The following ZNF558 variants were observed in gnomAD, a reference collection of about 807,000 sequenced individuals.
ZNF558 encodes zinc finger protein 558.
In ZNF558, 23 loss-of-function variants were observed where a neutral mutation model predicts 37.6. The ratio of observed to expected loss-of-function variants is 0.61; its 90% CI spans 0.44 to 0.87. The LOEUF (loss-of-function observed/expected upper bound fraction) is 0.87. ZNF558 is among the 40% of genes least tolerant of loss of function. The pLI, the probability that ZNF558 is intolerant of heterozygous loss-of-function variation, is 0.00. For synonymous variants in ZNF558, 189 were observed against 174.4 expected (o/e 1.08, Z -0.66); for missense variants, 429 against 483.7 (o/e 0.89, Z 1.06).
At chr19:8,814,788 C>T (rs1169048999) in intron 7 of ZNF558, among the ~76,000 whole-genome samples, 3 of 152,230 alleles carry the variant, frequency 2.0e-5, no homozygotes, top group African/African-American at 7.2e-5. Flanking sequence ...ATGACCATTA[C>T]GCTATCAGAA....
At position 8,811,873 on chromosome 19, in the gene ZNF558, T is replaced by C. The variant is rs2043801147; in HGVS notation, c.617A>G (p.Lys206Arg). Residue 206 changes from lysine to arginine, a missense_variant, in exon 10 of 10, where the codon AAA becomes AGA. Transcript: ENST00000601372. ...CCCACAGTGATTGCATTCATAGGGT[T>C]TCTCCCCATTATGGATTCTCTTATG... is the stretch of plus-strand genomic sequence containing the variant. Reference protein sequence around the residue: ...TIHKRIHNGEKPYECNHCGKA... With the variant: ...TIHKRIHNGERPYECNHCGKA... 6.2e-7 allele frequency: 1 copy of C among 1,614,142 alleles called. No individual in the cohort carries two copies. Among genetic ancestry groups the C allele is most frequent in the African/African-American group, 1.3e-5 (1 of 75,050 alleles).
At chr19:8,826,893 G>T (rs2044244223) in intron 2 of ZNF558, among the ~76,000 whole-genome samples, 8 of 152,142 alleles carry the variant, frequency 5.3e-5, no homozygotes, top group Admixed American at 5.2e-4. Flanking sequence ...GGCAACTGCT[G>T]CAGAACTTCC....
Position 8,812,438 on chromosome 19 carries a change from C to A in ZNF558, c.426+123G>T. 6.7e-6 allele frequency: 4 copies of A among 597,302 alleles called. No homozygotes were observed. In the South Asian group the frequency reaches 1.3e-4, roughly 20 times the overall value. 37.0% of individuals were successfully genotyped at this position (597,302 alleles called of 1,614,324 possible). A position where few individuals can be genotyped will look rare whatever the true frequency, so the allele number is the denominator to read the frequency against. On this transcript the variant is annotated intron_variant, in intron 9 of 9. Coordinates refer to ENST00000601372, the MANE Select transcript of ZNF558 (RefSeq NM_144693.3). ...AATTTTCACAGTGTCTCTCCAGGAA[C>A]ACAGCATTCTCAATTATAAATGACA...
At chr19:8,817,047 T>G (rs1333316293) in intron 7 of ZNF558, among the ~76,000 whole-genome samples, 2 of 151,740 alleles carry the variant, frequency 1.3e-5, no homozygotes, top group Non-Finnish European at 2.9e-5. Context: ...GAGAAGGGAA[T>G]CAAAATGGTC....
chr19:8,832,964 C>G (rs2145331728), upstream of ZNF558: 1 of 140,060 alleles, frequency 7.1e-6, no homozygotes, highest in Non-Finnish European at 1.5e-5. Context: ...AGGGGCGGAG[C>G]TATGGGGTGG....
intron 7 of ZNF558, among the ~76,000 whole-genome samples, chr19:8,817,135 A>G (rs2043958844): frequency 6.6e-6 from 1 of 152,232 alleles, no homozygotes; most frequent in South Asian, 2.1e-4. Flanking sequence ...AAAAAAGTAA[A>G]TAGTTATAGA....
upstream of ZNF558, among the ~76,000 whole-genome samples, chr19:8,836,471 CT>C (rs747980726): frequency 1.7e-3 from 248 of 149,988 alleles, no homozygotes; most frequent in East Asian, 4.5e-3. Flanking sequence ...TCCTCCCCCC[CT>C]CTCCTCCTCC....
rs945772403 is a variant in ZNF558 at position 8,822,941 on chromosome 19, A to T, written c.-65-217T>A. ...CAACACAACGACCAGTACCTCCCTG[A>T]CCCACCCGCTTTGAGAACCTCGGCT... On this transcript the variant is annotated intron_variant, in intron 4 of 9. Coordinates refer to ENST00000601372, the MANE Select transcript of ZNF558 (RefSeq NM_144693.3). The surrounding 1 kb of genome is among the most constrained non-coding windows in gnomAD (Gnocchi z 4.4). The T allele has an allele frequency of 7.2e-5, 35 of 486,928 alleles. No homozygotes were observed. The highest frequency in any genetic ancestry group is 1.1e-3 in the Middle Eastern group (2 of 1,758). 30.2% of individuals were successfully genotyped at this position (486,928 alleles called of 1,614,324 possible).
chr19:8,822,878 C>T lies in ZNF558; in HGVS notation c.-65-154G>A. Reference sequence around the variant, plus strand: ...TATTTTGCTGAGCAGGCAATGAATTCAGGGCCACCTGATGGAAAACTTGCC... The same window carrying T: ...TATTTTGCTGAGCAGGCAATGAATTTAGGGCCACCTGATGGAAAACTTGCC... On this transcript the variant is annotated intron_variant, in intron 4 of 9. Coordinates refer to ENST00000601372, the MANE Select transcript of ZNF558 (RefSeq NM_144693.3). The surrounding 1 kb of genome is among the most constrained non-coding windows in gnomAD (Gnocchi z 4.4). The T allele has an allele frequency of 3.0e-6, 2 of 667,824 alleles. No homozygotes were observed. The highest frequency in any genetic ancestry group is 5.0e-6 in the Non-Finnish European group (2 of 396,714). 41.4% of individuals were successfully genotyped at this position (667,824 alleles called of 1,614,324 possible).
In ZNF558 at chr19:8,812,077, G is replaced by A; in HGVS notation, c.427-14C>T. 6.5e-7 allele frequency: 1 copy of A among 1,527,488 alleles called. No homozygotes were observed. The highest frequency in any genetic ancestry group is 1.3e-5 in the South Asian group (1 of 75,772). 94.6% of individuals were successfully genotyped at this position (1,527,488 alleles called of 1,614,324 possible). On this transcript the variant is annotated splice_polypyrimidine_tract_variant and intron_variant, in intron 9 of 9. Coordinates refer to ENST00000601372, the MANE Select transcript of ZNF558 (RefSeq NM_144693.3). ...ATGACTTCTTTCCTGTGGATTAAGA[G>A]ATGAATGATAACTATAATTTATAAT... is the stretch of plus-strand genomic sequence containing the variant.
intron 7 of ZNF558, among the ~76,000 whole-genome samples, chr19:8,820,481 T>C (rs561235647): frequency 3.4e-4 from 52 of 152,106 alleles, no homozygotes; most frequent in Non-Finnish European, 6.2e-4. Flanking sequence ...ATAGCTAAGT[T>C]TTTTTGTTTT....
chr19:8,838,110 T>TGG, the ZNF558 span, among the ~76,000 whole-genome samples: 2 of 151,212 alleles, frequency 1.3e-5, no homozygotes, highest in African/African-American at 2.4e-5. Context: ...AAGCTGGGCG[T>TGG]GGTGGTGCAC....
intron 7 of ZNF558, among the ~76,000 whole-genome samples, chr19:8,818,526 A>G (rs905432908): frequency 2.0e-5 from 3 of 152,222 alleles, no homozygotes; most frequent in African/African-American, 7.2e-5. Context: ...TTATCTACAG[A>G]GATAAAACAA....
At chr19:8,821,467 C>T (rs529617738) in intron 6 of ZNF558, 161 bp from the exon 7 acceptor site, 2 of 1,492,728 alleles carry the variant, frequency 1.3e-6, no homozygotes, top group Non-Finnish European at 1.8e-6. Flanking sequence ...GCTCCTCTCC[C>T]AGGGTTCTGA....
chr19:8,827,902 C>A lies in ZNF558; in HGVS notation c.-508-2794G>T, dbSNP rs539797417. On this transcript the variant is annotated intron_variant, in intron 2 of 9. Coordinates refer to ENST00000601372, the MANE Select transcript of ZNF558 (RefSeq NM_144693.3). ...TTCCCTGTTCTTGTCTCGGCTTCAG[C>A]CATCCCTGTGTTCCCAGTGCAGGGA... is the stretch of plus-strand genomic sequence containing the variant. Among the ~76,000 whole-genome samples, 5 of 152,262 alleles carry A rather than the reference C, an allele frequency of 3.3e-5. No individual in the cohort carries two copies. The South Asian group carries it at 1.0e-3, about 32-fold the overall frequency.
At chr19:8,818,534 C>A (rs1290035649) in intron 7 of ZNF558, among the ~76,000 whole-genome samples, 1 of 152,116 alleles carries the variant, frequency 6.6e-6, no homozygotes, top group Non-Finnish European at 1.5e-5. Flanking sequence ...AGAGATAAAA[C>A]AATCACTATC....
rs781855654 is a variant in ZNF558 at position 8,811,547 on chromosome 19, T to G, written c.943A>C (p.Thr315Pro). The G allele has an allele frequency of 1.2e-6, 2 of 1,614,194 alleles. No individual in the cohort carries two copies. The highest frequency in any genetic ancestry group is 1.7e-6 in the Non-Finnish European group (2 of 1,180,022). The change falls in exon 10 of 10, where the codon ACT becomes CCT. Residue 315 changes from threonine to proline, a missense_variant. By Grantham distance (38) the Thr-to-Pro change is conservative. Coordinates refer to ENST00000601372, the MANE Select transcript of ZNF558 (RefSeq NM_144693.3). Reference protein sequence around the residue: ...SYLTQHVRTHTGEKPYECNEC... With the variant: ...SYLTQHVRTHPGEKPYECNEC... ...TTACATTCATAGGGTTTTTCTCCAG[T>G]ATGAGTTCTTACGTGCTGTGTCAGA...
rs782555854 is a variant in ZNF558, at chr19:8,811,668, G to A, written c.822C>T (p.Ser274=). The A allele has an allele frequency of 6.2e-7, 1 of 1,614,156 alleles. No homozygotes were observed. Among genetic ancestry groups the A allele is most frequent in the Admixed American group, 1.7e-5 (1 of 60,002 alleles). Residue 274 remains serine (S), a synonymous_variant, in exon 10 of 10, where the codon AGC becomes AGT. Coordinates refer to ENST00000601372, the MANE Select transcript of ZNF558 (RefSeq NM_144693.3). Reference sequence around the variant, plus strand: ...TGTGCCCAGTGAGAGAGGACCTTGTGCTGAAAGCTTTTCCACACTGATTAC... The same window carrying A: ...TGTGCCCAGTGAGAGAGGACCTTGTACTGAAAGCTTTTCCACACTGATTAC... ...HECNQCGKAF[S]TRSSLTGHNS...
In ZNF558 at chr19:8,815,797, A is replaced by AAGAG. The variant is rs145744383; in HGVS notation, c.248-2579_248-2576dup. Among the ~76,000 whole-genome samples the AAGAG allele has an allele frequency of 1.8e-4, 27 of 148,132 alleles. 1 individual carries two copies. The highest frequency in any genetic ancestry group is 4.0e-4 in the East Asian group (2 of 5,048). On this transcript the variant is annotated intron_variant, in intron 7 of 9. Transcript: ENST00000601372. ...TGAGTGAGAACCTGTCTCAAAGATA[A>AAGAG]AGAGAGAGAGAGAGAGAGAGAGAAT... is the stretch of plus-strand genomic sequence containing the variant.
Sources: allele counts gnomAD v4.1 joint callset (sites outside exome capture counted in the v4.1 genomes callset), GRCh38; gene constraint gnomAD v4.1.1; non-coding constraint Gnocchi (gnomAD v3.1); transcripts MANE v1.5; gene names NCBI Gene and HGNC (gene_info 2026-07-23, HGNC 2026-07-21).